GNA13: variants seen among roughly 807,000 people sequenced by gnomAD.
GNA13 encodes G protein subunit alpha 13.
Under a neutral mutation model 33.5 loss-of-function variants are expected in GNA13, and 4 were observed. That is an observed-to-expected ratio of 0.12 (90% CI 0.06 to 0.27). The LOEUF (loss-of-function observed/expected upper bound fraction) is 0.27, where lower values mean the gene tolerates loss of function less well. GNA13 is among the 10% of genes least tolerant of loss of function. The pLI is 1.00. For synonymous variants in GNA13, 176 were observed against 183.8 expected (o/e 0.96, Z 0.34); for missense variants, 319 against 487.2 (o/e 0.65, Z 3.25).
rs1288863410 is a variant in GNA13 at position 65,009,898 on chromosome 17, T to C, written c.*4359A>G. 6.6e-6 allele frequency among the ~76,000 whole-genome samples: 1 copy of C among 152,152 alleles called. No individual in the cohort carries two copies. Among genetic ancestry groups the C allele is most frequent in the Non-Finnish European group, 1.5e-5 (1 of 68,014 alleles). ...TGGCAAAAAATATTATATACAAGCT[T>C]TCTTAACACAAACCAAAGTCACATA... On this transcript the variant is annotated 3_prime_UTR_variant, in exon 4 of 4. Transcript: ENST00000439174.
intron 2 of GNA13, among the ~76,000 whole-genome samples, chr17:65,043,314 G>T (rs1245439695): frequency 1.3e-5 from 2 of 150,200 alleles, no homozygotes; most frequent in African/African-American, 4.9e-5. Context: ...TTGAGACAAG[G>T]TCTTGCTCTG....
At chr17:65,025,354 C>T (rs1906738706) in intron 2 of GNA13, among the ~76,000 whole-genome samples, 1 of 152,162 alleles carries the variant, frequency 6.6e-6, no homozygotes, top group African/African-American at 2.4e-5. Flanking sequence ...ACAATTCTGA[C>T]AAGCTTTATT....
chr17:65,055,378 A>G (rs1908008204), intron 1 of GNA13, among the ~76,000 whole-genome samples: 1 of 152,206 alleles, frequency 6.6e-6, no homozygotes, highest in African/African-American at 2.4e-5. Context: ...TTTAATTTTA[A>G]AACTACTGTC....
chr17:65,048,732 C>CTA (rs932320581), intron 2 of GNA13, among the ~76,000 whole-genome samples: 1 of 152,150 alleles, frequency 6.6e-6, no homozygotes, highest in African/African-American at 2.4e-5. Context: ...TATCAACACC[C>CTA]TATCCCTTGT....
intron 2 of GNA13, among the ~76,000 whole-genome samples, chr17:65,033,363 C>T (rs1354991429): frequency 6.6e-6 from 1 of 151,662 alleles, no homozygotes; most frequent in African/African-American, 2.4e-5. Flanking sequence ...GTGTGGTAGA[C>T]CTGTAGTCCA....
At chr17:65,056,197 C>G (rs1908048805) in intron 1 of GNA13, 114 bp downstream of exon 1, 1 of 870,096 alleles carries the variant, frequency 1.1e-6, no homozygotes, top group Non-Finnish European at 1.6e-6. Flanking sequence ...GCCCGCCCGC[C>G]GGGCCCGTTC....
chr17:65,011,716 T>C lies in GNA13; in HGVS notation c.*2541A>G. ...TTATTCCAAATCATAACCATAAAGA[T>C]TTAGAAAATCAAATACATCAAAGAA... On this transcript the variant is annotated 3_prime_UTR_variant, in exon 4 of 4. Coordinates refer to ENST00000439174, the MANE Select transcript of GNA13 (RefSeq NM_006572.6). 4.4e-6 allele frequency: 1 copy of C among 227,582 alleles called. No homozygotes were observed. Among genetic ancestry groups the C allele is most frequent in the Non-Finnish European group, 8.7e-6 (1 of 114,436 alleles). 14.1% of individuals were successfully genotyped at this position (227,582 alleles called of 1,614,324 possible). A position where few individuals can be genotyped will look rare whatever the true frequency, so the allele number is the denominator to read the frequency against.
rs533972759 is a variant in GNA13 at position 65,032,564 on chromosome 17, A to T, written c.511-14261T>A. ...CTTTCTCCCTTTAATTTTTATTTCA[A>T]ATTAAGTGTGATAAAGAATGACTTG... On this transcript the variant is annotated intron_variant, in intron 2 of 3. Coordinates refer to ENST00000439174, the MANE Select transcript of GNA13 (RefSeq NM_006572.6). Among the ~76,000 whole-genome samples, 273 of 152,252 alleles carry T rather than the reference A, an allele frequency of 1.8e-3. 3 individuals are homozygous for T. Among genetic ancestry groups the T allele is most frequent in the African/African-American group, 6.2e-3 (259 of 41,544 alleles).
At chr17:65,049,697 G>T (rs1907794345) in intron 2 of GNA13, among the ~76,000 whole-genome samples, 1 of 152,184 alleles carries the variant, frequency 6.6e-6, no homozygotes, top group African/African-American at 2.4e-5. Context: ...TGTTCCTGGG[G>T]AAAGGGAGGG....
chr17:65,050,571 T>C (rs1228232342), intron 2 of GNA13, among the ~76,000 whole-genome samples: 1 of 151,858 alleles, frequency 6.6e-6, no homozygotes, highest in African/African-American at 2.4e-5. Context: ...TCTACAAAAA[T>C]TTTTTTTTAA....
In GNA13 at chr17:65,011,898, C is replaced by A. The variant is rs1906200939; in HGVS notation, c.*2359G>T. 4.4e-6 allele frequency: 1 copy of A among 226,716 alleles called. No individual in the cohort carries two copies. The highest frequency in any genetic ancestry group is 2.2e-5 in the African/African-American group (1 of 44,968). The allele number at this position is 226,716 out of a possible 1,614,324, so 14.0% of individuals were successfully genotyped here. A position where few individuals can be genotyped will look rare whatever the true frequency, so the allele number is the denominator to read the frequency against. ...CATGATACAGGTGTAAGACTCCTTT[C>A]AAACGTTTTTAAAATACAACGTATA... On this transcript the variant is annotated 3_prime_UTR_variant, in exon 4 of 4. Coordinates refer to ENST00000439174, the MANE Select transcript of GNA13 (RefSeq NM_006572.6).
intron 3 of GNA13, 124 bp downstream of exon 3, chr17:65,018,129 A>AAGAG: frequency 4.4e-6 from 1 of 228,020 alleles, no homozygotes; most frequent in Non-Finnish European, 8.8e-6. Flanking sequence ...AAAAAAAAAA[A>AAGAG]AAAAAAAAAA....
At chr17:65,030,202 G>C (rs1229595926) in intron 2 of GNA13, among the ~76,000 whole-genome samples, 3 of 152,206 alleles carry the variant, frequency 2.0e-5, no homozygotes, top group African/African-American at 7.2e-5. Context: ...CAAAGATGAT[G>C]ACAAATCTTC....
intron 1 of GNA13, among the ~76,000 whole-genome samples, chr17:65,054,597 C>T (rs1907971323): frequency 1.3e-5 from 2 of 152,158 alleles, no homozygotes; most frequent in South Asian, 4.1e-4. Context: ...AGGAGTGAGC[C>T]ACCACGCCCA....
chr17:65,044,781 G>T (rs1387869247), intron 2 of GNA13, among the ~76,000 whole-genome samples: 1 of 152,060 alleles, frequency 6.6e-6, no homozygotes, highest in African/African-American at 2.4e-5. Context: ...CCGGGCTCAC[G>T]CCTGTAATCC....
At chr17:65,050,741 CAAAAAA>C (rs1231973752) in intron 2 of GNA13, among the ~76,000 whole-genome samples, 6 of 151,594 alleles carry the variant, frequency 4.0e-5, no homozygotes, top group Non-Finnish European at 5.9e-5. Context: ...AAAACAAAAA[CAAAAAA>C]ACAAAAAACA....
At chr17:65,038,849 T>C (rs1336610907) in intron 2 of GNA13, among the ~76,000 whole-genome samples, 1 of 152,248 alleles carries the variant, frequency 6.6e-6, no homozygotes, top group Non-Finnish European at 1.5e-5. Context: ...CAAAGCTTAT[T>C]TTATAATAAA....
chr17:65,038,717 G>A (rs150995435), intron 2 of GNA13, among the ~76,000 whole-genome samples: 159 of 152,220 alleles, frequency 1.0e-3, no homozygotes, highest in African/African-American at 2.3e-3. Flanking sequence ...GTGAGCCACC[G>A]TGCCCCGCCC....
chr17:65,037,795 A>AAAAAAAAAAAAAAAAAAAAAAAC (rs1567824035), intron 2 of GNA13, among the ~76,000 whole-genome samples: 1 of 150,078 alleles, frequency 6.7e-6, no homozygotes, highest in Non-Finnish European at 1.5e-5. Context: ...AAAAAAAAAA[A>AAAAAAAAAAAAAAAAAAAAAAAC]AAAAAGACAA....
Sources: gnomAD v4.1 joint callset for allele counts (sites outside exome capture counted in the v4.1 genomes callset) on GRCh38, gnomAD v4.1.1 for gene constraint, MANE v1.5 for transcripts, NCBI Gene and HGNC (gene_info 2026-07-23, HGNC 2026-07-21) for gene names.